The following CTDSPL2 variants were observed in gnomAD, a reference collection of about 807,000 sequenced individuals.
The protein encoded by CTDSPL2 is CTD small phosphatase like 2, also known as CTD small phosphatase-like protein 2.
CTDSPL2 carries 5 observed loss-of-function variants against 60.0 expected under a neutral mutation model. The ratio of observed to expected loss-of-function variants is 0.08; its 90% CI spans 0.04 to 0.18. CTDSPL2 has a LOEUF of 0.18. Ranked by LOEUF, CTDSPL2 falls within the 10% of genes least tolerant of loss-of-function variation. The pLI is 1.00. For synonymous variants in CTDSPL2, 186 were observed against 189.3 expected, an observed-to-expected ratio of 0.98 and a Z score of 0.14; for missense variants, 370 against 548.8, an observed-to-expected ratio of 0.67 and a Z score of 3.26.
chr15:44,493,636 C>T (rs2081251681), intron 5 of CTDSPL2, among the ~76,000 whole-genome samples: 1 of 151,896 alleles, frequency 6.6e-6, no homozygotes, highest in African/African-American at 2.4e-5. Context: ...TCTACAAAAA[C>T]AACAACAAAA....
intron 2 of CTDSPL2, among the ~76,000 whole-genome samples, chr15:44,464,257 CA>C (rs1262559013): frequency 1.3e-5 from 2 of 152,188 alleles, no homozygotes; most frequent in Non-Finnish European, 2.9e-5. Flanking sequence ...TTAAGCCTTA[CA>C]AACCATATGA....
At chr15:44,466,449 T>C (rs2080693537) in intron 2 of CTDSPL2, among the ~76,000 whole-genome samples, 1 of 152,258 alleles carries the variant, frequency 6.6e-6, no homozygotes, top group Admixed American at 6.5e-5. Context: ...TATTCATTCA[T>C]TCTCTTCCCA....
chr15:44,461,604 A>G (rs1002600613), intron 2 of CTDSPL2, among the ~76,000 whole-genome samples: 1 of 126,500 alleles, frequency 7.9e-6, no homozygotes, highest in African/African-American at 3.0e-5. Context: ...TTTTAAAGAG[A>G]TGAGGTCTCA....
intron 2 of CTDSPL2, among the ~76,000 whole-genome samples, chr15:44,479,590 G>A (rs1595741417): frequency 6.6e-6 from 1 of 151,594 alleles, no homozygotes; most frequent in African/African-American, 2.4e-5. Flanking sequence ...AAATTTTTGT[G>A]TAGAAATGGG....
At chr15:44,524,062 T>G in intron 12 of CTDSPL2, 47 bp from the exon 13 acceptor site, 1 of 1,404,936 alleles carries the variant, frequency 7.1e-7, no homozygotes, top group Non-Finnish European at 1.0e-6. Flanking sequence ...GAGGATCATA[T>G]CTTTGAAATT....
At chr15:44,444,841 T>C (rs1164081864) in intron 1 of CTDSPL2, among the ~76,000 whole-genome samples, 1 of 114,394 alleles carries the variant, frequency 8.7e-6, no homozygotes, top group Non-Finnish European at 1.8e-5. Context: ...ATGTAGTTTT[T>C]TTTTTTTTTT....
At chr15:44,462,700 C>CTTTTTTTTTTTTTTTTTTTTTTT (rs554319789) in intron 2 of CTDSPL2, among the ~76,000 whole-genome samples, 1 of 83,740 alleles carries the variant, frequency 1.2e-5, no homozygotes, top group East Asian at 3.2e-4. Flanking sequence ...ACACTCAGGA[C>CTTTTTTTTTTTTTTTTTTTTTTT]TTTTTTTTTT....
At chr15:44,495,291 T>C (rs931217325) in intron 5 of CTDSPL2, among the ~76,000 whole-genome samples, 2 of 152,088 alleles carry the variant, frequency 1.3e-5, no homozygotes, top group Admixed American at 1.3e-4. Context: ...TTTTTTAAGA[T>C]TATAGTCGTG....
intron 1 of CTDSPL2, among the ~76,000 whole-genome samples, chr15:44,437,129 G>A (rs992461742): frequency 7.2e-5 from 11 of 152,196 alleles, no homozygotes; most frequent in African/African-American, 2.7e-4. Flanking sequence ...TTCCACTTGT[G>A]ACATTATGTA....
intron 2 of CTDSPL2, among the ~76,000 whole-genome samples, chr15:44,461,250 C>T (rs1336941550): frequency 6.6e-6 from 1 of 152,170 alleles, no homozygotes; most frequent in African/African-American, 2.4e-5. Flanking sequence ...GATGCTGACT[C>T]TCCCATGTGG....
chr15:44,503,086 G>T (rs2081406423), intron 8 of CTDSPL2, among the ~76,000 whole-genome samples: 1 of 152,058 alleles, frequency 6.6e-6, no homozygotes, highest in African/African-American at 2.4e-5. Flanking sequence ...ACACTATGTG[G>T]ACTAGACAGA....
intron 1 of CTDSPL2, among the ~76,000 whole-genome samples, chr15:44,439,309 C>T (rs567057773): frequency 1.3e-5 from 2 of 151,862 alleles, no homozygotes; most frequent in East Asian, 1.9e-4. Flanking sequence ...CCACCATGCC[C>T]GTCTAATTTT....
chr15:44,448,624 T>G, intron 1 of CTDSPL2: 1 of 311,720 alleles, frequency 3.2e-6, no homozygotes, highest in South Asian at 3.2e-5. Flanking sequence ...ACCGCCACCA[T>G]GGGGGTCCCT....
At chr15:44,436,821 C>G (rs902663268) in intron 1 of CTDSPL2, among the ~76,000 whole-genome samples, 19 of 152,118 alleles carry the variant, frequency 1.2e-4, no homozygotes, top group African/African-American at 4.3e-4. Context: ...GTGTTATCTA[C>G]TCTTGTTTCT....
intron 1 of CTDSPL2, among the ~76,000 whole-genome samples, chr15:44,456,471 A>T (rs140661292): frequency 0.013 from 2,005 of 152,160 alleles, 61 homozygotes; most frequent in African/African-American, 0.047. Context: ...TAGTCTTGGG[A>T]GGGTGTGTGT....
At chr15:44,523,963 C>T in intron 12 of CTDSPL2, 146 bp from the exon 13 acceptor site, 1 of 619,534 alleles carries the variant, frequency 1.6e-6, no homozygotes, top group South Asian at 2.1e-5. Flanking sequence ...AATTTAACTG[C>T]ATCTGTGTAG....
intron 2 of CTDSPL2, among the ~76,000 whole-genome samples, chr15:44,460,838 C>T (rs2080551670): frequency 6.6e-6 from 1 of 152,082 alleles, no homozygotes; most frequent in Admixed American, 6.6e-5. Flanking sequence ...GATGAAATAT[C>T]TTCCAGAAAC....
intron 1 of CTDSPL2, among the ~76,000 whole-genome samples, chr15:44,457,505 T>C (rs896668756): frequency 6.6e-5 from 10 of 152,148 alleles, no homozygotes; most frequent in Non-Finnish European, 1.3e-4. Context: ...CTGGTTTGAT[T>C]TTATATCCAG....
chr15:44,482,393 T>A (rs1262228851), intron 2 of CTDSPL2, among the ~76,000 whole-genome samples: 1 of 152,178 alleles, frequency 6.6e-6, no homozygotes, highest in Admixed American at 6.5e-5. Flanking sequence ...CTGGACCCAT[T>A]TTTTCCATAA....
Sources: gnomAD v4.1 joint callset for allele counts (sites outside exome capture counted in the v4.1 genomes callset) on GRCh38, gnomAD v4.1.1 for gene constraint, MANE v1.5 for transcripts, NCBI Gene and HGNC (gene_info 2026-07-23, HGNC 2026-07-21) for gene names.